FAM135A: variants seen among roughly 807,000 people sequenced by gnomAD.
FAM135A encodes the protein family with sequence similarity 135 member A.
Under a neutral mutation model 146.8 loss-of-function variants are expected in FAM135A, and 79 were observed. The ratio of observed to expected loss-of-function variants is 0.54; its 90% CI spans 0.45 to 0.65. The LOEUF is 0.65. Ranked by LOEUF, FAM135A falls within the 30% of genes least tolerant of loss-of-function variation. The probability of loss-of-function intolerance (pLI) is 0.00; values close to 1 mark genes in which losing one functional copy is unlikely to be tolerated. For missense variants in FAM135A, 1,623 were observed against 1,758.2 expected (o/e 0.92, Z 1.38); for synonymous variants, 562 against 603.6 (o/e 0.93, Z 1.01).
At chr6:70,417,724 A>T (rs1256877952) in intron 2 of FAM135A, 8 of 596,404 alleles carry the variant, frequency 1.3e-5, no homozygotes, top group South Asian at 7.4e-5. Context: ...AAGGGCTTAC[A>T]TTGGAAATAC....
At chr6:70,461,071 C>T (rs1779353666) in intron 5 of FAM135A, among the ~76,000 whole-genome samples, 1 of 152,032 alleles carries the variant, frequency 6.6e-6, no homozygotes, top group Non-Finnish European at 1.5e-5. Context: ...TGATCCGCTG[C>T]CTCAGCCTCC....
rs1794142744 is a variant in FAM135A, at chr6:70,523,874, A to AC, written c.1104-93_1104-92insC. ...TTATGTCTTGCAGATGAGGGATAGG[A>AC]ATTGAGGAGGGAAGGGGAAAGGGTA... On this transcript the variant is annotated intron_variant, in intron 13 of 21. Transcript: ENST00000418814. 3 of 1,267,138 alleles carry AC rather than the reference A, an allele frequency of 2.4e-6. No individual in the cohort carries two copies. In the Admixed American group the frequency reaches 7.7e-5, roughly 32 times the overall value. The allele number at this position is 1,267,138 out of a possible 1,614,324, so 78.5% of individuals were successfully genotyped here.
chr6:70,547,429 A>AT (rs1396104393), intron 20 of FAM135A, among the ~76,000 whole-genome samples: 1 of 152,184 alleles, frequency 6.6e-6, no homozygotes. Context: ...CACTATTGAT[A>AT]TTCTGGGCTG....
intron 5 of FAM135A, 33 bp from the exon 6 acceptor site, chr6:70,475,377 T>C (rs2128155694): frequency 6.6e-7 from 1 of 1,511,898 alleles, no homozygotes; most frequent in East Asian, 2.4e-5. Context: ...TATTTTACTT[T>C]TATCTGTCAA....
intron 4 of FAM135A, among the ~76,000 whole-genome samples, chr6:70,439,041 G>A (rs1163388826): frequency 6.6e-6 from 1 of 152,170 alleles, no homozygotes; most frequent in African/African-American, 2.4e-5. Flanking sequence ...ACATGGTGGT[G>A]CTTGCCTGTA....
intron 3 of FAM135A, among the ~76,000 whole-genome samples, chr6:70,427,738 G>T (rs933145883): frequency 6.6e-6 from 1 of 152,044 alleles, no homozygotes; most frequent in Non-Finnish European, 1.5e-5. Context: ...ATTTGTGCTT[G>T]TCTATTTTCT....
chr6:70,474,848 C>T (rs1160139729), intron 5 of FAM135A, among the ~76,000 whole-genome samples: 1 of 152,158 alleles, frequency 6.6e-6, no homozygotes, highest in African/African-American at 2.4e-5. Flanking sequence ...CTATTCTCCC[C>T]TCTCTGGATA....
At chr6:70,414,560 T>G (rs1397361210) in intron 1 of FAM135A, among the ~76,000 whole-genome samples, 1 of 151,034 alleles carries the variant, frequency 6.6e-6, no homozygotes, top group East Asian at 2.0e-4. Context: ...TTCATTCCAT[T>G]TGTTTTACTT....
At chr6:70,454,103 A>G (rs544957882) in intron 5 of FAM135A, among the ~76,000 whole-genome samples, 82 of 152,260 alleles carry the variant, frequency 5.4e-4, no homozygotes, top group African/African-American at 1.9e-3. Flanking sequence ...AATGATCACC[A>G]TTCTAACTGG....
chr6:70,449,328 A>T (rs1309173499), intron 4 of FAM135A, among the ~76,000 whole-genome samples: 1 of 152,120 alleles, frequency 6.6e-6, no homozygotes, highest in Non-Finnish European at 1.5e-5. Flanking sequence ...GTCACCATGC[A>T]GTGCAATAGA....
chr6:70,449,669 A>C (rs937640363), intron 4 of FAM135A, among the ~76,000 whole-genome samples: 1 of 152,124 alleles, frequency 6.6e-6, no homozygotes, highest in Non-Finnish European at 1.5e-5. Context: ...CCATTGATAA[A>C]CACTAAGGTT....
At chr6:70,507,111 C>A (rs1789954425) in intron 12 of FAM135A, among the ~76,000 whole-genome samples, 1 of 150,846 alleles carries the variant, frequency 6.6e-6, no homozygotes, top group Non-Finnish European at 1.5e-5. Context: ...CTTTTCTCAC[C>A]CCATTCCAGA....
At chr6:70,549,307 TAAA>T (rs1799400503) in intron 20 of FAM135A, among the ~76,000 whole-genome samples, 2 of 152,058 alleles carry the variant, frequency 1.3e-5, no homozygotes, top group Non-Finnish European at 2.9e-5. Flanking sequence ...ATGTAGTAGT[TAAA>T]AGAATGAGAT....
At chr6:70,531,765 T>C (rs1388149681) in intron 16 of FAM135A, among the ~76,000 whole-genome samples, 1 of 152,204 alleles carries the variant, frequency 6.6e-6, no homozygotes, top group Non-Finnish European at 1.5e-5. Context: ...CCCAATAAAC[T>C]TTTTTGTAAA....
chr6:70,432,233 A>T (rs1771833591), intron 4 of FAM135A, among the ~76,000 whole-genome samples: 1 of 152,150 alleles, frequency 6.6e-6, no homozygotes, highest in South Asian at 2.1e-4. Context: ...TGACAATGGA[A>T]AAAATAGATG....
At chr6:70,538,196 A>G in intron 19 of FAM135A, 95 bp from the exon 20 acceptor site, 1 of 719,956 alleles carries the variant, frequency 1.4e-6, no homozygotes, top group Non-Finnish European at 2.0e-6. Flanking sequence ...AGGCAATGTC[A>G]TCTTTTGAAG....
intron 4 of FAM135A, among the ~76,000 whole-genome samples, chr6:70,430,261 C>T (rs1771231223): frequency 6.6e-6 from 1 of 151,902 alleles, no homozygotes; most frequent in African/African-American, 2.4e-5. Context: ...TGCTTGAACC[C>T]AGGAGACGTA....
chr6:70,501,063 G>A lies in FAM135A; in HGVS notation c.874-1573G>A, dbSNP rs112738656. ...CAGCTGCTCTCTTTAGAGCCAGCAG[G>A]CAGGAATGATTAAATCTGCTGAAGC... On this transcript the variant is annotated intron_variant, in intron 11 of 21. Coordinates refer to ENST00000418814, the MANE Select transcript of FAM135A (RefSeq NM_001162529.3). Among the ~76,000 whole-genome samples, 628 of 152,294 alleles carry A rather than the reference G, an allele frequency of 4.1e-3. 3 individuals are homozygous for A. The highest frequency in any genetic ancestry group is 0.015 in the African/African-American group (607 of 41,574).
intron 4 of FAM135A, among the ~76,000 whole-genome samples, chr6:70,439,481 CCTTTCT>C (rs1394327020): frequency 6.6e-6 from 1 of 152,232 alleles, no homozygotes; most frequent in African/African-American, 2.4e-5. Context: ...TCACTTTCAA[CCTTTCT>C]CTTTCCTTGT....
Sources: gnomAD v4.1 joint callset for allele counts (sites outside exome capture counted in the v4.1 genomes callset) on GRCh38, gnomAD v4.1.1 for gene constraint, MANE v1.5 for transcripts, NCBI Gene and HGNC (gene_info 2026-07-23, HGNC 2026-07-21) for gene names.